The following ARHGAP15 variants were observed in gnomAD, a reference collection of about 807,000 sequenced individuals.
ARHGAP15 encodes the protein rho GTPase-activating protein 15.
A neutral mutation model predicts 63.7 loss-of-function variants in ARHGAP15; 51 were observed. That is an observed-to-expected ratio of 0.80 (90% CI 0.64 to 1.01). The LOEUF (loss-of-function observed/expected upper bound fraction) is 1.01. Among genes scored for constraint, ARHGAP15 ranks in the 50% least tolerant of loss-of-function variants. ARHGAP15 has a pLI of 0.00. For synonymous variants in ARHGAP15, 191 were observed against 193.8 expected, an observed-to-expected ratio of 0.99 and a Z score of 0.12; for missense variants, 560 against 564.6, an observed-to-expected ratio of 0.99 and a Z score of 0.08.
At chr2:143,326,959 G>A (rs187797332) in intron 6 of ARHGAP15, among the ~76,000 whole-genome samples, 2 of 152,274 alleles carry the variant, frequency 1.3e-5, no homozygotes, top group African/African-American at 4.8e-5. Flanking sequence ...CAAATAGGAA[G>A]AAAGGAAGTC....
intron 13 of ARHGAP15, chr2:143,741,321 TTTTA>T (rs1685954430): frequency 6.6e-6 from 1 of 152,252 alleles, no homozygotes; most frequent in Non-Finnish European, 1.5e-5. Flanking sequence ...CTTCTTTTAT[TTTTA>T]AAATGCTCAA....
chr2:143,531,126 G>A (rs1411649449), intron 10 of ARHGAP15, among the ~76,000 whole-genome samples: 1 of 135,546 alleles, frequency 7.4e-6, no homozygotes, highest in Non-Finnish European at 1.6e-5. Context: ...ATGTGTGTGC[G>A]CGCATGTGTG....
intron 6 of ARHGAP15, among the ~76,000 whole-genome samples, chr2:143,284,777 T>A (rs183475003): frequency 9.9e-5 from 15 of 152,212 alleles, no homozygotes; most frequent in Non-Finnish European, 2.1e-4. Context: ...CTACAAAAAG[T>A]AATCCTGTCT....
intron 2 of ARHGAP15, among the ~76,000 whole-genome samples, chr2:143,166,927 T>C (rs1009139089): frequency 3.9e-5 from 6 of 152,134 alleles, no homozygotes; most frequent in Admixed American, 1.3e-4. Context: ...CCTCTTTTAT[T>C]CATCATTCTT....
chr2:143,720,329 G>C (rs1479042112), intron 13 of ARHGAP15, among the ~76,000 whole-genome samples: 3 of 152,118 alleles, frequency 2.0e-5, no homozygotes, highest in Non-Finnish European at 4.4e-5. Flanking sequence ...TACACAGATT[G>C]GAAGTCAGCC....
intron 12 of ARHGAP15, among the ~76,000 whole-genome samples, chr2:143,631,060 A>G (rs1375433372): frequency 6.6e-6 from 1 of 151,994 alleles, no homozygotes; most frequent in Non-Finnish European, 1.5e-5. Context: ...CATTTTCTAG[A>G]ATTTTATATA....
At chr2:143,140,500 C>A (rs908916030) in intron 1 of ARHGAP15, among the ~76,000 whole-genome samples, 3 of 152,044 alleles carry the variant, frequency 2.0e-5, no homozygotes, top group East Asian at 3.9e-4. Flanking sequence ...TCTCTTCATG[C>A]ACTTTTATTT....
chr2:143,738,769 TAC>T (rs1159973652), intron 13 of ARHGAP15, among the ~76,000 whole-genome samples: 2 of 152,186 alleles, frequency 1.3e-5, no homozygotes, highest in Non-Finnish European at 1.5e-5. Flanking sequence ...GTAAAGAACT[TAC>T]ATTCACCAGC....
chr2:143,366,539 A>G (rs1209067680), intron 6 of ARHGAP15, among the ~76,000 whole-genome samples: 3 of 152,080 alleles, frequency 2.0e-5, no homozygotes, highest in African/African-American at 4.8e-5. Flanking sequence ...GGTCAAAGTT[A>G]TAGTGTTGAT....
chr2:143,543,963 A>G (rs917121702), intron 10 of ARHGAP15, among the ~76,000 whole-genome samples: 1 of 152,128 alleles, frequency 6.6e-6, no homozygotes, highest in African/African-American at 2.4e-5. Flanking sequence ...TCTACTTTAT[A>G]TTGTGATCAT....
intron 6 of ARHGAP15, among the ~76,000 whole-genome samples, chr2:143,405,631 G>C (rs1002908827): frequency 6.6e-6 from 1 of 151,802 alleles, no homozygotes; most frequent in Non-Finnish European, 1.5e-5. Context: ...ACTTGAAGAT[G>C]TTTTTAACTG....
intron 2 of ARHGAP15, among the ~76,000 whole-genome samples, chr2:143,164,164 T>C (rs193105770): frequency 9.2e-5 from 14 of 152,190 alleles, no homozygotes; most frequent in Admixed American, 9.2e-4. Context: ...TGTTACCATC[T>C]GTTTAATTAT....
chr2:143,757,709 G>A (rs1686629359), intron 13 of ARHGAP15, among the ~76,000 whole-genome samples: 1 of 151,836 alleles, frequency 6.6e-6, no homozygotes, highest in South Asian at 2.1e-4. Context: ...TAAATTCAGA[G>A]TACCATCAAA....
At chr2:143,495,124 T>C (rs962409990) in intron 9 of ARHGAP15, among the ~76,000 whole-genome samples, 2 of 152,174 alleles carry the variant, frequency 1.3e-5, no homozygotes, top group African/African-American at 4.8e-5. Context: ...ATCTTGGCCA[T>C]CCCACAACTG....
chr2:143,737,140 C>T (rs1012117744), intron 13 of ARHGAP15, among the ~76,000 whole-genome samples: 2 of 152,262 alleles, frequency 1.3e-5, no homozygotes, highest in South Asian at 2.1e-4. Context: ...ATTAACTAGC[C>T]GGGAACATTG....
At chr2:143,157,580 A>G (rs968767354) in intron 2 of ARHGAP15, among the ~76,000 whole-genome samples, 4 of 151,704 alleles carry the variant, frequency 2.6e-5, no homozygotes, top group Admixed American at 2.6e-4. Flanking sequence ...ACTTTTGGTT[A>G]TGTGTGCTCA....
At chr2:143,224,227 C>G (rs988131701) in intron 4 of ARHGAP15, among the ~76,000 whole-genome samples, 1 of 151,520 alleles carries the variant, frequency 6.6e-6, no homozygotes, top group African/African-American at 2.4e-5. Flanking sequence ...CAGAAGTGTT[C>G]GATAGTTAAG....
intron 2 of ARHGAP15, among the ~76,000 whole-genome samples, chr2:143,181,032 T>A (rs1290306931): frequency 1.3e-5 from 2 of 152,200 alleles, no homozygotes; most frequent in African/African-American, 2.4e-5. Context: ...ATCCATGAGC[T>A]GCAGAATGGA....
chr2:143,659,650 G>C (rs1389911619), intron 12 of ARHGAP15, among the ~76,000 whole-genome samples: 1 of 152,136 alleles, frequency 6.6e-6, no homozygotes, highest in Non-Finnish European at 1.5e-5. Flanking sequence ...ACCGCCCTAG[G>C]GGCTAGTGGA....
Sources: gnomAD v4.1 joint callset for allele counts (sites outside exome capture counted in the v4.1 genomes callset) on GRCh38, gnomAD v4.1.1 for gene constraint, MANE v1.5 for transcripts, NCBI Gene and HGNC (gene_info 2026-07-23, HGNC 2026-07-21) for gene names.